Variants in HTRA1 observed in about 807,000 individuals in gnomAD.
The protein encoded by HTRA1 is HtrA serine peptidase 1.
In HTRA1, 26 loss-of-function variants were observed where a neutral mutation model predicts 49.7. That is an observed-to-expected ratio of 0.52 (90% CI 0.38 to 0.73). The LOEUF is 0.73. Among genes scored for constraint, HTRA1 ranks in the 30% least tolerant of loss-of-function variants. HTRA1 has a pLI of 0.00. For synonymous variants in HTRA1, 291 were observed against 286.9 expected (o/e 1.01, Z -0.14); for missense variants, 561 against 667.2 (o/e 0.84, Z 1.75).
intron 1 of HTRA1, among the ~76,000 whole-genome samples, chr10:122,468,389 G>A (rs2133909213): frequency 1.4e-5 from 2 of 144,554 alleles, no homozygotes; most frequent in South Asian, 4.7e-4. Flanking sequence ...GGCAATATTA[G>A]CGTGTTGTCA....
intron 3 of HTRA1, among the ~76,000 whole-genome samples, chr10:122,502,998 T>C (rs1008847558): frequency 6.6e-6 from 1 of 152,242 alleles, no homozygotes; most frequent in Non-Finnish European, 1.5e-5. Flanking sequence ...TTGCCCTGTT[T>C]ACTTCTAGGC....
intron 1 of HTRA1, among the ~76,000 whole-genome samples, chr10:122,467,090 C>T (rs560714427): frequency 3.3e-5 from 5 of 152,326 alleles, no homozygotes; most frequent in East Asian, 1.9e-4. Context: ...GCCTGATGGC[C>T]TCCGCTTTGG....
At chr10:122,511,170 G>T (rs2097505367) in intron 7 of HTRA1, among the ~76,000 whole-genome samples, 1 of 152,120 alleles carries the variant, frequency 6.6e-6, no homozygotes, top group African/African-American at 2.4e-5. Flanking sequence ...TGGTGGCAGG[G>T]GTCACCAGCC....
chr10:122,468,820 C>T (rs1280278173), intron 1 of HTRA1, among the ~76,000 whole-genome samples: 1 of 152,100 alleles, frequency 6.6e-6, no homozygotes, highest in African/African-American at 2.4e-5. Flanking sequence ...AGCCCTGGCA[C>T]CTTCTTGAAT....
chr10:122,472,248 G>A (rs1692216004), intron 1 of HTRA1, among the ~76,000 whole-genome samples: 1 of 151,340 alleles, frequency 6.6e-6, no homozygotes, highest in Non-Finnish European at 1.5e-5. Context: ...TTATACATTT[G>A]ATGACATATT....
rs1356600929 is a variant in HTRA1, at chr10:122,514,738, T to C, written c.*379T>C. On this transcript the variant is annotated 3_prime_UTR_variant, in exon 9 of 9. Transcript: ENST00000368984. ...CCCACGGGAGCCAGGATGGGACTGG[T>C]CGTGTTTGTGCTTTTCTCCAAGTCA... 2 of 302,402 alleles carry C rather than the reference T, an allele frequency of 6.6e-6. No individual in the cohort carries two copies. The highest frequency in any genetic ancestry group is 1.3e-5 in the Non-Finnish European group (2 of 156,102). The allele number at this position is 302,402 out of a possible 1,614,324, so 18.7% of individuals were successfully genotyped here. A position where few individuals can be genotyped will look rare whatever the true frequency, so the allele number is the denominator to read the frequency against.
At chr10:122,504,402 G>T (rs1394472148) in intron 3 of HTRA1, among the ~76,000 whole-genome samples, 1 of 152,188 alleles carries the variant, frequency 6.6e-6, no homozygotes, top group Non-Finnish European at 1.5e-5. Context: ...TGTGAATTAG[G>T]ATCCCCACAG....
At chr10:122,503,967 T>C (rs1225008098) in intron 3 of HTRA1, among the ~76,000 whole-genome samples, 1 of 152,168 alleles carries the variant, frequency 6.6e-6, no homozygotes. Flanking sequence ...TGAGGACTGG[T>C]TCCTGGGCAG....
rs767974242 is a variant in HTRA1, at chr10:122,461,570, C to T, written c.-83C>T. 1 of 824,342 alleles carries T rather than the reference C, an allele frequency of 1.2e-6. No homozygotes were observed. The highest frequency in any genetic ancestry group is 1.7e-6 in the Non-Finnish European group (1 of 602,194). 51.1% of individuals were successfully genotyped at this position (824,342 alleles called of 1,614,324 possible). A position where few individuals can be genotyped will look rare whatever the true frequency, so the allele number is the denominator to read the frequency against. On this transcript the variant is annotated 5_prime_UTR_variant, in exon 1 of 9. Transcript: ENST00000368984. ...CCGCGCGCACTCGCACCCGCTGCCCCCGAGGCCCTCCTGCACTCTCCCCGG... is the reference window on the plus strand; with the variant it reads ...CCGCGCGCACTCGCACCCGCTGCCCTCGAGGCCCTCCTGCACTCTCCCCGG...
Position 122,505,110 on chromosome 10 carries a change from C to T in HTRA1, c.778-1581C>T, listed in dbSNP as rs141974623. ...GAGCTGTTCAGATCTTAAGTTGCTT[C>T]ATTCTCACAGTGGACCATTGAGGTA... is the stretch of plus-strand genomic sequence containing the variant. On this transcript the variant is annotated intron_variant, in intron 3 of 8. Coordinates refer to ENST00000368984, the MANE Select transcript of HTRA1 (RefSeq NM_002775.5). Among the ~76,000 whole-genome samples the T allele has an allele frequency of 1.4e-4, 21 of 152,356 alleles. No individual in the cohort carries two copies. In the East Asian group the frequency reaches 4.1e-3, roughly 29 times the overall value.
chr10:122,495,663 C>A (rs1009432901), intron 3 of HTRA1, among the ~76,000 whole-genome samples: 1 of 152,138 alleles, frequency 6.6e-6, no homozygotes, highest in Non-Finnish European at 1.5e-5. Flanking sequence ...TATGGTAATG[C>A]CTTTTTTCAC....
chr10:122,486,606 A>T (rs2133436745), intron 1 of HTRA1, among the ~76,000 whole-genome samples: 1 of 152,198 alleles, frequency 6.6e-6, no homozygotes, highest in African/African-American at 2.4e-5. Flanking sequence ...GCCCTTCGTG[A>T]CCCAGTGCAG....
At chr10:122,496,528 G>A (rs2097498824) in intron 3 of HTRA1, among the ~76,000 whole-genome samples, 1 of 152,036 alleles carries the variant, frequency 6.6e-6, no homozygotes, top group South Asian at 2.1e-4. Flanking sequence ...AGTGGGCAAA[G>A]CCATGGGGCT....
chr10:122,504,851 T>C lies in HTRA1; in HGVS notation c.778-1840T>C, dbSNP rs918713488. 2.0e-4 allele frequency among the ~76,000 whole-genome samples: 31 copies of C among 152,046 alleles called. 1 individual carries two copies. The highest frequency in any genetic ancestry group is 7.5e-4 in the African/African-American group (31 of 41,396). On this transcript the variant is annotated intron_variant, in intron 3 of 8. Transcript: ENST00000368984. ...TGTGGGAAGTGAGCATGGGGCTGAG[T>C]AGAGATGCGGCAGGCCTGCACCTCC...
rs1266336269 is a variant in HTRA1 at position 122,500,648 on chromosome 10, G to T, written c.778-6043G>T. Among the ~76,000 whole-genome samples the T allele has an allele frequency of 2.6e-5, 4 of 152,164 alleles. No individual in the cohort carries two copies. In the East Asian group the frequency reaches 7.7e-4, roughly 29 times the overall value. On this transcript the variant is annotated intron_variant, in intron 3 of 8. Transcript: ENST00000368984. ...TGTGCATGTATGCATATACACATAG[G>T]TGTTTTGCCTAAGTTTTCACTTCTG... is the stretch of plus-strand genomic sequence containing the variant.
At chr10:122,485,219 TG>T (rs772964848) in intron 1 of HTRA1, among the ~76,000 whole-genome samples, 15 of 152,378 alleles carry the variant, frequency 9.8e-5, no homozygotes, top group Non-Finnish European at 1.6e-4. Context: ...ATGCTTCTTC[TG>T]TTTAGTTATT....
At chr10:122,477,182 C>T (rs143000611) in intron 1 of HTRA1, among the ~76,000 whole-genome samples, 1,675 of 151,962 alleles carry the variant, frequency 0.011, 21 homozygotes, top group East Asian at 0.036. Context: ...TTAGCCAGGA[C>T]GGTCTCGATC....
In HTRA1 at chr10:122,488,216, T is replaced by G. The variant is rs542353231; in HGVS notation, c.473-686T>G. ...GGTGTTTCTCAGGAGGGTTGTTGCT[T>G]CTTTGTAATGGTGGGGACTCAGGGA... On this transcript the variant is annotated intron_variant, in intron 1 of 8. Transcript: ENST00000368984. Among the ~76,000 whole-genome samples, 34 of 152,220 alleles carry G rather than the reference T, an allele frequency of 2.2e-4. 1 individual carries two copies. The highest frequency in any genetic ancestry group is 3.4e-3 in the Middle Eastern group (1 of 294).
At chr10:122,476,420 T>C (rs1290276551) in intron 1 of HTRA1, among the ~76,000 whole-genome samples, 1 of 152,206 alleles carries the variant, frequency 6.6e-6, no homozygotes, top group African/African-American at 2.4e-5. Context: ...ATCTGGGTCC[T>C]GTCTGGACAG....
Sources: gnomAD v4.1 joint callset for allele counts (sites outside exome capture counted in the v4.1 genomes callset) on GRCh38, gnomAD v4.1.1 for gene constraint, MANE v1.5 for transcripts, NCBI Gene and HGNC (gene_info 2026-07-23, HGNC 2026-07-21) for gene names.